Variants in N4BP2L2 observed in about 807,000 individuals in gnomAD.
N4BP2L2 encodes the protein NEDD4-binding protein 2-like 2.
In N4BP2L2, 50 loss-of-function variants were observed where a neutral mutation model predicts 56.2. The observed-to-expected ratio is 0.89, with a 90% CI of 0.71 to 1.13. The LOEUF (loss-of-function observed/expected upper bound fraction) is 1.13. Ranked by LOEUF, N4BP2L2 falls within the 50% of genes most tolerant of loss-of-function variation. The pLI, the probability that N4BP2L2 is intolerant of heterozygous loss-of-function variation, is 0.00. For missense variants in N4BP2L2, 689 were observed against 693.8 expected, an observed-to-expected ratio of 0.99 and a Z score of 0.08; for synonymous variants, 203 against 223.6, an observed-to-expected ratio of 0.91 and a Z score of 0.82.
At chr13:32,459,718 C>CA (rs1461569845) in intron 6 of N4BP2L2, among the ~76,000 whole-genome samples, 1 of 152,016 alleles carries the variant, frequency 6.6e-6, no homozygotes, top group Non-Finnish European at 1.5e-5. Flanking sequence ...ATCCTATGCT[C>CA]ATTGATCAGA....
chr13:32,488,216 T>C (rs575451776), intron 6 of N4BP2L2, among the ~76,000 whole-genome samples: 1 of 152,316 alleles, frequency 6.6e-6, no homozygotes, highest in African/African-American at 2.4e-5. Flanking sequence ...CAACACGGAA[T>C]ACTAGGCAGC....
At chr13:32,446,044 G>A (rs2077000967) in intron 6 of N4BP2L2, among the ~76,000 whole-genome samples, 1 of 152,194 alleles carries the variant, frequency 6.6e-6, no homozygotes, top group Non-Finnish European at 1.5e-5. Flanking sequence ...CCTGGAAGAA[G>A]AAAGAGATGA....
chr13:32,452,519 T>C (rs757617548), intron 6 of N4BP2L2, among the ~76,000 whole-genome samples: 1 of 152,212 alleles, frequency 6.6e-6, no homozygotes, highest in African/African-American at 2.4e-5. Flanking sequence ...CAAAACATTA[T>C]GATTTAACTG....
intron 6 of N4BP2L2, among the ~76,000 whole-genome samples, chr13:32,458,279 A>G (rs952164246): frequency 3.3e-5 from 5 of 152,088 alleles, no homozygotes; most frequent in Non-Finnish European, 5.9e-5. Context: ...GTTAGCCAGG[A>G]TGGTCTCAAT....
intron 6 of N4BP2L2, among the ~76,000 whole-genome samples, chr13:32,502,316 A>T (rs1593911721): frequency 6.6e-6 from 1 of 152,120 alleles, no homozygotes. Flanking sequence ...GCCTCATGTG[A>T]TCCACCCTCC....
intron 4 of N4BP2L2, 63 bp from the exon 5 acceptor site, chr13:32,521,512 C>T: frequency 2.6e-6 from 3 of 1,157,714 alleles, no homozygotes; most frequent in Non-Finnish European, 3.8e-6. Context: ...AAAAAGAAGG[C>T]AGACAGTTAA....
chr13:32,462,604 G>C (rs2080337137), intron 6 of N4BP2L2, among the ~76,000 whole-genome samples: 1 of 152,050 alleles, frequency 6.6e-6, no homozygotes, highest in South Asian at 2.1e-4. Flanking sequence ...CGAATAGCTA[G>C]AAGACAGGTC....
chr13:32,453,758 G>C (rs915793810), intron 6 of N4BP2L2, among the ~76,000 whole-genome samples: 7 of 152,178 alleles, frequency 4.6e-5, no homozygotes, highest in South Asian at 2.1e-4. Flanking sequence ...TAGTACCAAG[G>C]GTGGCAGAAA....
intron 6 of N4BP2L2, among the ~76,000 whole-genome samples, chr13:32,450,411 G>A (rs1247554235): frequency 2.7e-5 from 4 of 149,022 alleles, no homozygotes; most frequent in African/African-American, 5.0e-5. Context: ...TGCAAGCTCC[G>A]CCTCCCAGGT....
chr13:32,538,061 A>AC (rs2057013807), intron 1 of N4BP2L2, among the ~76,000 whole-genome samples: 1 of 83,860 alleles, frequency 1.2e-5, no homozygotes, highest in Admixed American at 1.7e-4. Context: ...ACAGAGGGAG[A>AC]CCCCGTCTTG....
At chr13:32,486,263 A>T (rs2085830965) in intron 6 of N4BP2L2, among the ~76,000 whole-genome samples, 1 of 152,234 alleles carries the variant, frequency 6.6e-6, no homozygotes, top group Non-Finnish European at 1.5e-5. Flanking sequence ...ACAGGCGATT[A>T]GGCAAGAAAA....
At chr13:32,448,176 T>C (rs1469599677) in intron 6 of N4BP2L2, among the ~76,000 whole-genome samples, 1 of 152,128 alleles carries the variant, frequency 6.6e-6, no homozygotes, top group Non-Finnish European at 1.5e-5. Flanking sequence ...AACAGTGACT[T>C]GTGAAGCCCC....
chr13:32,483,739 C>T (rs2085254364), intron 6 of N4BP2L2, among the ~76,000 whole-genome samples: 1 of 152,018 alleles, frequency 6.6e-6, no homozygotes, highest in African/African-American at 2.4e-5. Context: ...TAACATCCCT[C>T]ACCATTACAT....
chr13:32,479,417 G>A (rs1298526147), intron 6 of N4BP2L2, among the ~76,000 whole-genome samples: 13 of 151,374 alleles, frequency 8.6e-5, no homozygotes, highest in Non-Finnish European at 1.6e-4. Flanking sequence ...ACAGGCGCCC[G>A]CCACCACACC....
intron 6 of N4BP2L2, among the ~76,000 whole-genome samples, chr13:32,453,308 CAA>C (rs1258382497): frequency 6.6e-6 from 1 of 152,054 alleles, no homozygotes. Flanking sequence ...GGTTGAGTAA[CAA>C]ACTCCAAAAG....
chr13:32,538,310 T>C (rs2057129657), intron 1 of N4BP2L2, among the ~76,000 whole-genome samples: 1 of 152,130 alleles, frequency 6.6e-6, no homozygotes, highest in Non-Finnish European at 1.5e-5. Context: ...ATTCGAAATG[T>C]GTCAGAAAAG....
intron 6 of N4BP2L2, among the ~76,000 whole-genome samples, chr13:32,473,281 C>CAA (rs575588006): frequency 2.3e-5 from 2 of 86,618 alleles, no homozygotes; most frequent in Non-Finnish European, 2.4e-5. Context: ...GACTCCGTCT[C>CAA]AAAAAAAAAA....
rs547001813 is a variant in N4BP2L2, at chr13:32,440,807, C to T, written c.2104+1581G>A. Among the ~76,000 whole-genome samples, 9 of 150,790 alleles carry T rather than the reference C, an allele frequency of 6.0e-5. No homozygotes were observed. In the South Asian group the frequency reaches 6.3e-4, roughly 11 times the overall value. ...AATATTAAAAAATCATATTTTTGCT[C>T]GTTTTATTCACATGTAGATTTTTTC... On this transcript the variant is annotated intron_variant, in intron 7 of 9. Transcript: ENST00000357505.
intron 6 of N4BP2L2, among the ~76,000 whole-genome samples, chr13:32,489,351 A>G (rs1230342488): frequency 1.3e-5 from 2 of 152,220 alleles, no homozygotes; most frequent in Non-Finnish European, 2.9e-5. Flanking sequence ...ATTGCCAGTA[A>G]TAACAATAAC....
Sources: gnomAD v4.1 joint callset for allele counts (sites outside exome capture counted in the v4.1 genomes callset) on GRCh38, gnomAD v4.1.1 for gene constraint, MANE v1.5 for transcripts, NCBI Gene and HGNC (gene_info 2026-07-23, HGNC 2026-07-21) for gene names.